DNAH3: variants seen among roughly 807,000 people sequenced by gnomAD.
DNAH3 encodes dynein axonemal heavy chain 3.
A neutral mutation model predicts 432.5 loss-of-function variants in DNAH3; 332 were observed. The ratio of observed to expected loss-of-function variants is 0.77; its 90% confidence interval spans 0.70 to 0.84. The LOEUF (loss-of-function observed/expected upper bound fraction) is 0.84. Ranked by LOEUF, DNAH3 falls within the 40% of genes least tolerant of loss-of-function variation. The probability of loss-of-function intolerance (pLI) is 0.00; values close to 1 mark genes in which losing one functional copy is unlikely to be tolerated. For synonymous variants in DNAH3, 1,956 were observed against 1,900.2 expected, an observed-to-expected ratio of 1.03 and a Z score of -0.76; for missense variants, 4,861 against 5,114.0, an observed-to-expected ratio of 0.95 and a Z score of 1.51.
intron 56 of DNAH3, among the ~76,000 whole-genome samples, chr16:20,950,149 C>T (rs972692779): frequency 6.6e-6 from 1 of 152,180 alleles, no homozygotes; most frequent in Admixed American, 6.6e-5. Flanking sequence ...TGTCCAGCTC[C>T]AGGCGCACTT....
intron 19 of DNAH3, among the ~76,000 whole-genome samples, chr16:21,085,120 T>G (rs2091320722): frequency 1.3e-5 from 2 of 151,956 alleles, no homozygotes; most frequent in Admixed American, 1.3e-4. Context: ...GGCTCACGCC[T>G]GTAATCCCAG....
intron 28 of DNAH3, 126 bp downstream of exon 28, chr16:21,054,294 T>G: frequency 1.4e-6 from 1 of 699,866 alleles, no homozygotes; most frequent in Non-Finnish European, 2.4e-6. Context: ...TTACTCTCAG[T>G]TGGAGAAAGC....
At chr16:21,142,270 G>A (rs962645681) in intron 3 of DNAH3, among the ~76,000 whole-genome samples, 2 of 152,082 alleles carry the variant, frequency 1.3e-5, no homozygotes, top group African/African-American at 4.8e-5. Flanking sequence ...AGGAGGCTGA[G>A]GCAGAAGAAT....
At chr16:21,120,598 T>C (rs777196861) in intron 11 of DNAH3, 18 of 683,088 alleles carry the variant, frequency 2.6e-5, no homozygotes, top group East Asian at 1.9e-4. Flanking sequence ...TGGGTGTCAC[T>C]AGATGGGGAA....
At chr16:21,047,044 C>T (rs1008004667) in intron 31 of DNAH3, among the ~76,000 whole-genome samples, 5 of 152,224 alleles carry the variant, frequency 3.3e-5, no homozygotes, top group Admixed American at 1.3e-4. Context: ...CAGAGAGATC[C>T]GCTGTTACTC....
exon 56 of DNAH3, chr16:20,952,448 G>A: frequency 6.2e-7 from 1 of 1,609,212 alleles, no homozygotes; most frequent in African/African-American, 1.3e-5. Context: ...AGGTAGGTCA[G>A]AGCATCAAAG....
chr16:21,096,214 G>A (rs1474272256), intron 18 of DNAH3, among the ~76,000 whole-genome samples: 1 of 151,214 alleles, frequency 6.6e-6, no homozygotes, highest in Non-Finnish European at 1.5e-5. Flanking sequence ...GCTTACTGCA[G>A]CCTTGATCTC....
At chr16:21,152,153 G>C (rs1479801856) in intron 1 of DNAH3, among the ~76,000 whole-genome samples, 1 of 152,030 alleles carries the variant, frequency 6.6e-6, no homozygotes, top group Non-Finnish European at 1.5e-5. Flanking sequence ...AGAATCGCTT[G>C]AACCTGGGAG....
exon 19 of DNAH3, chr16:21,087,058 G>A (rs2091400492): frequency 6.2e-7 from 1 of 1,612,994 alleles, no homozygotes; most frequent in Non-Finnish European, 8.5e-7. Context: ...AAGAAGAGGG[G>A]TCCTGAAATA....
At chr16:21,112,593 A>G (rs2092101487) in intron 12 of DNAH3, among the ~76,000 whole-genome samples, 1 of 152,152 alleles carries the variant, frequency 6.6e-6, no homozygotes, top group Non-Finnish European at 1.5e-5. Context: ...AACAGCCCCC[A>G]TGGTTCAATG....
chr16:21,149,001 C>T (rs556165095), intron 1 of DNAH3, among the ~76,000 whole-genome samples: 4 of 152,154 alleles, frequency 2.6e-5, no homozygotes, highest in South Asian at 2.1e-4. Flanking sequence ...GAGGCCGAGG[C>T]GGGTGGATCA....
At chr16:21,019,451 C>T in intron 41 of DNAH3, 173 bp downstream of exon 41, 1 of 780,476 alleles carries the variant, frequency 1.3e-6, no homozygotes, top group East Asian at 2.7e-5. Flanking sequence ...TGAGACACCA[C>T]AACCAGCCAA....
chr16:21,086,828 C>A, intron 19 of DNAH3, 21 bp downstream of exon 19: 2 of 1,608,916 alleles, frequency 1.2e-6, no homozygotes, highest in Non-Finnish European at 1.7e-6. Flanking sequence ...TGCTTGGGGG[C>A]GGGCAGTGAT....
chr16:21,027,730 G>T (rs946841091), intron 37 of DNAH3, among the ~76,000 whole-genome samples: 1 of 152,196 alleles, frequency 6.6e-6, no homozygotes. Context: ...CTCAGTCAGG[G>T]TTGAGTGAGC....
chr16:21,006,975 G>A (rs1339882136), intron 41 of DNAH3, among the ~76,000 whole-genome samples: 1 of 152,026 alleles, frequency 6.6e-6, no homozygotes, highest in Non-Finnish European at 1.5e-5. Flanking sequence ...GTTTAACTTT[G>A]GAGGAAGTGT....
At chr16:21,054,653 C>A in intron 27 of DNAH3, 119 bp from the exon 28 acceptor site, 1 of 685,886 alleles carries the variant, frequency 1.5e-6, no homozygotes. Context: ...GGGTGTCATC[C>A]CTCAAGTCCA....
rs2085865149 is a variant in DNAH3, at chr16:20,980,884, G to A, written c.7860-1338C>T. On this transcript the variant is annotated intron_variant, in intron 49 of 61. Coordinates refer to ENST00000261383, the Ensembl canonical transcript of DNAH3. ...AGATAATAAATATTTTAGCCTTTGT[G>A]GACCACATGATATCTGTCACAGTTA... 2.0e-5 allele frequency among the ~76,000 whole-genome samples: 3 copies of A among 152,112 alleles called. No individual in the cohort carries two copies. In the South Asian group the frequency reaches 6.2e-4, roughly 31 times the overall value.
intron 12 of DNAH3, among the ~76,000 whole-genome samples, chr16:21,114,170 C>T (rs534820110): frequency 3.3e-4 from 50 of 152,240 alleles, no homozygotes; most frequent in Middle Eastern, 3.4e-3. Context: ...TAGTTGACCT[C>T]GGGTAGCTGT....
chr16:21,107,239 CTTTTTTTTTTT>C (rs5816146), intron 14 of DNAH3, among the ~76,000 whole-genome samples: 1 of 91,304 alleles, frequency 1.1e-5, no homozygotes, highest in Non-Finnish European at 2.1e-5. Flanking sequence ...AATTTTTAAT[CTTTTTTTTTTT>C]TTTTTTTTTT....
Sources: allele counts gnomAD v4.1 joint callset (sites outside exome capture counted in the v4.1 genomes callset), GRCh38; gene constraint gnomAD v4.1.1; transcripts MANE v1.5; gene names NCBI Gene and HGNC (gene_info 2026-07-23, HGNC 2026-07-21).